The following HAT1 variants were observed in gnomAD, a reference collection of about 807,000 sequenced individuals.
HAT1 encodes the protein histone acetyltransferase 1.
In HAT1, 20 loss-of-function variants were observed where a neutral mutation model predicts 56.6. The ratio of observed to expected loss-of-function variants is 0.35; its 90% CI spans 0.25 to 0.51. HAT1 has a LOEUF of 0.51. Among genes scored for constraint, HAT1 ranks in the 20% least tolerant of loss-of-function variants. The pLI, the probability that HAT1 is intolerant of heterozygous loss-of-function variation, is 0.95. For missense variants in HAT1, 408 were observed against 504.3 expected (o/e 0.81, Z 1.83); for synonymous variants, 146 against 165.5 (o/e 0.88, Z 0.91).
At chr2:171,937,718 T>G (rs1686905157) in intron 2 of HAT1, among the ~76,000 whole-genome samples, 1 of 152,148 alleles carries the variant, frequency 6.6e-6, no homozygotes. Flanking sequence ...AATAAAGTCA[T>G]CAGTAACTCT....
chr2:171,976,930 C>T (rs1419406382), intron 9 of HAT1, among the ~76,000 whole-genome samples: 2 of 151,958 alleles, frequency 1.3e-5, no homozygotes, highest in Admixed American at 1.3e-4. Flanking sequence ...AATCCCAGCA[C>T]TTTGGGAGGC....
chr2:171,928,694 A>T (rs763787868), intron 2 of HAT1, among the ~76,000 whole-genome samples: 1 of 151,954 alleles, frequency 6.6e-6, no homozygotes, highest in Non-Finnish European at 1.5e-5. Context: ...TATTTTTAGG[A>T]GAGACGGAGT....
At chr2:171,957,133 C>A (rs1447001102) in intron 4 of HAT1, among the ~76,000 whole-genome samples, 2 of 152,084 alleles carry the variant, frequency 1.3e-5, no homozygotes, top group Non-Finnish European at 2.9e-5. Flanking sequence ...ATTGACAGGA[C>A]AAAATGAAGG....
chr2:171,966,316 A>C, intron 6 of HAT1, 93 bp from the exon 7 acceptor site: 1 of 762,972 alleles, frequency 1.3e-6, no homozygotes, highest in Non-Finnish European at 2.4e-6. Context: ...GCTTGCTGAC[A>C]CTGAAAATTC....
At chr2:171,929,493 TA>T (rs979351256) in intron 2 of HAT1, among the ~76,000 whole-genome samples, 1 of 152,226 alleles carries the variant, frequency 6.6e-6, no homozygotes, top group Non-Finnish European at 1.5e-5. Context: ...TTATTAATTT[TA>T]AAAATTTCTA....
At chr2:171,926,581 C>T (rs1366605153) in intron 2 of HAT1, among the ~76,000 whole-genome samples, 2 of 152,202 alleles carry the variant, frequency 1.3e-5, no homozygotes, top group Non-Finnish European at 2.9e-5. Flanking sequence ...GCATGAGCCA[C>T]CACGCCTGGC....
chr2:171,946,574 G>T (rs1687169877), intron 2 of HAT1, 134 bp from the exon 3 acceptor site: 1 of 629,854 alleles, frequency 1.6e-6, no homozygotes, highest in Admixed American at 3.4e-5. Context: ...TCATATAATG[G>T]TGAAATGACA....
At chr2:171,977,720 G>A (rs1032161056) in intron 9 of HAT1, among the ~76,000 whole-genome samples, 3 of 150,936 alleles carry the variant, frequency 2.0e-5, no homozygotes, top group Admixed American at 6.6e-5. Flanking sequence ...CACATGCTCT[G>A]GCTTTACTCA....
intron 2 of HAT1, among the ~76,000 whole-genome samples, chr2:171,944,573 A>G (rs1200774888): frequency 6.6e-6 from 1 of 152,140 alleles, no homozygotes; most frequent in African/African-American, 2.4e-5. Flanking sequence ...CACCAGACAG[A>G]ACTACAGGAC....
intron 10 of HAT1, chr2:171,980,622 G>A (rs145899554): frequency 0.014 from 2,069 of 152,202 alleles, 45 homozygotes; most frequent in African/African-American, 0.046. Flanking sequence ...TTGGGAGGCC[G>A]AGGTGGGCAG....
At chr2:171,950,890 A>T (rs1352914481) in intron 3 of HAT1, among the ~76,000 whole-genome samples, 1 of 151,900 alleles carries the variant, frequency 6.6e-6, no homozygotes, top group Non-Finnish European at 1.5e-5. Context: ...GCTCACTGCA[A>T]GCTGCGCCTC....
In HAT1 at chr2:171,977,193, T is replaced by G. The variant is rs986435375; in HGVS notation, c.975+885T>G. Among the ~76,000 whole-genome samples the G allele has an allele frequency of 2.8e-5, 4 of 143,770 alleles. No individual in the cohort carries two copies. The Admixed American group carries it at 2.8e-4, about 10-fold the overall frequency. The allele number at this position is 143,770 out of a possible 152,430, so 94.3% of individuals were successfully genotyped here. A position where few individuals can be genotyped will look rare whatever the true frequency, so the allele number is the denominator to read the frequency against. On this transcript the variant is annotated intron_variant, in intron 9 of 10. Coordinates refer to ENST00000264108, the MANE Select transcript of HAT1 (RefSeq NM_003642.4). ...ATCTCAAAAAAAAAAGAAATTTGTG[T>G]AGGCCGGGCGAGGTGGCTCACGCCT...
chr2:171,959,696 A>G (rs570903367), intron 4 of HAT1, among the ~76,000 whole-genome samples: 2 of 152,304 alleles, frequency 1.3e-5, no homozygotes, highest in South Asian at 4.1e-4. Context: ...GTGAGTGTTC[A>G]TTCCATAGTG....
intron 10 of HAT1, chr2:171,980,701 C>T (rs1314584623): frequency 6.6e-6 from 1 of 151,212 alleles, no homozygotes; most frequent in African/African-American, 2.4e-5. Context: ...ACTAAAAATA[C>T]AAAAATTAGT....
chr2:171,966,908 A>G lies in HAT1; in HGVS notation c.782A>G (p.His261Arg). The change falls in exon 8 of 11, where the codon CAT becomes CGT. Residue 261 changes from histidine (H) to arginine (R), a missense_variant. Transcript: ENST00000264108. ...GHGAQLLETVHRYYTEFPTVL... is the reference protein window; with the variant it reads ...GHGAQLLETVRRYYTEFPTVL... ...GGTGCTCAACTTCTTGAAACAGTTC[A>G]TAGATACTACACTGAATTTCCTACA... is the stretch of plus-strand genomic sequence containing the variant. The G allele has an allele frequency of 6.3e-7, 1 of 1,584,826 alleles. No homozygotes were observed. The highest frequency in any genetic ancestry group is 8.7e-7 in the Non-Finnish European group (1 of 1,153,942).
chr2:171,951,401 A>T (rs1402408282), intron 3 of HAT1, among the ~76,000 whole-genome samples: 4 of 152,014 alleles, frequency 2.6e-5, no homozygotes, highest in Admixed American at 2.6e-4. Context: ...AGTAGATAAG[A>T]TCTAGTTTTA....
chr2:171,924,943 A>C (rs1017417843), intron 1 of HAT1: 1 of 152,188 alleles, frequency 6.6e-6, no homozygotes. Flanking sequence ...TTGTATTAGT[A>C]CATGTTCAGA....
At chr2:171,934,480 GC>G (rs2105307210) in intron 2 of HAT1, among the ~76,000 whole-genome samples, 1 of 152,278 alleles carries the variant, frequency 6.6e-6, no homozygotes, top group East Asian at 1.9e-4. Context: ...AGCATTTTGT[GC>G]AGTTTCTTTT....
At chr2:171,960,907 C>T (rs1574056969) in intron 4 of HAT1, among the ~76,000 whole-genome samples, 3 of 151,942 alleles carry the variant, frequency 2.0e-5, no homozygotes, top group East Asian at 3.9e-4. Context: ...TTTGGGAGGC[C>T]GAGGTGGACA....
Sources: gnomAD v4.1 joint callset for allele counts (sites outside exome capture counted in the v4.1 genomes callset) on GRCh38, gnomAD v4.1.1 for gene constraint, MANE v1.5 for transcripts, NCBI Gene and HGNC (gene_info 2026-07-23, HGNC 2026-07-21) for gene names.